The following TTLL11 variants were observed in gnomAD, a reference collection of about 807,000 sequenced individuals.
TTLL11 encodes the protein tubulin polyglutamylase TTLL11.
TTLL11 carries 42 observed loss-of-function variants against 51.7 expected under a neutral mutation model. That is an observed-to-expected ratio of 0.81 (90% CI 0.64 to 1.05). The LOEUF (loss-of-function observed/expected upper bound fraction) is 1.05, where lower values mean the gene tolerates loss of function less well. Ranked by LOEUF, TTLL11 falls within the 50% of genes least tolerant of loss-of-function variation. TTLL11 has a pLI of 0.00. For missense variants in TTLL11, 799 were observed against 940.4 expected (o/e 0.85, Z 1.97); for synonymous variants, 381 against 383.5 (o/e 0.99, Z 0.08).
chr9:122,015,826 A>C (rs1379391528), intron 3 of TTLL11, among the ~76,000 whole-genome samples: 1 of 151,980 alleles, frequency 6.6e-6, no homozygotes. Flanking sequence ...AAAAAAAAGA[A>C]AGAAAGTAAA....
chr9:122,073,448 G>A (rs938165431), intron 1 of TTLL11, among the ~76,000 whole-genome samples: 1 of 152,098 alleles, frequency 6.6e-6, no homozygotes, highest in African/African-American at 2.4e-5. Flanking sequence ...TTGTGGGAAA[G>A]AAAGAAAATC....
At chr9:121,925,605 C>T (rs546323984) in intron 6 of TTLL11, among the ~76,000 whole-genome samples, 2 of 152,206 alleles carry the variant, frequency 1.3e-5, no homozygotes, top group Non-Finnish European at 2.9e-5. Context: ...GCCCTCCAGA[C>T]CCTCCCAGGA....
rs187606185 is a variant in TTLL11 at position 121,902,414 on chromosome 9, G to A, written c.1482-31666C>T. Among the ~76,000 whole-genome samples, 459 of 152,302 alleles carry A rather than the reference G, an allele frequency of 3.0e-3. 3 individuals are homozygous for A. The highest frequency in any genetic ancestry group is 0.011 in the African/African-American group (441 of 41,562). On this transcript the variant is annotated intron_variant, in intron 6 of 8. Coordinates refer to ENST00000321582, the MANE Select transcript of TTLL11 (RefSeq NM_001139442.2). ...GAGTTCTTACTTTTTCCATTGTTCT[G>A]TGCGAGGCATTTCCCTCTAAGCATT...
chr9:121,943,470 T>C (rs916117461), intron 6 of TTLL11, among the ~76,000 whole-genome samples: 2 of 152,224 alleles, frequency 1.3e-5, no homozygotes, highest in African/African-American at 2.4e-5. Context: ...CACTTGTTAA[T>C]GCCCAAATTA....
chr9:121,836,022 T>A (rs1837170095), intron 8 of TTLL11, among the ~76,000 whole-genome samples: 1 of 152,222 alleles, frequency 6.6e-6, no homozygotes, highest in Non-Finnish European at 1.5e-5. Context: ...CAAGAGGGAT[T>A]ACTAAGAGTG....
intron 1 of TTLL11, among the ~76,000 whole-genome samples, chr9:122,089,433 C>T (rs1056886601): frequency 6.6e-6 from 1 of 152,158 alleles, no homozygotes; most frequent in Non-Finnish European, 1.5e-5. Flanking sequence ...TGTGTTTGCA[C>T]TTTGTTAGTA....
Position 122,055,608 on chromosome 9 carries a change from G to C in TTLL11, c.463-16240C>G, listed in dbSNP as rs1564377727. Among the ~76,000 whole-genome samples the C allele has an allele frequency of 2.0e-5, 3 of 152,146 alleles. No homozygotes were observed. In the South Asian group the frequency reaches 6.2e-4, roughly 32 times the overall value. On this transcript the variant is annotated intron_variant, in intron 1 of 8. Transcript: ENST00000321582. ...ACTTTGCATCCTTCAGTCCAATCAA[G>C]TTGACACTCAGTATTAACCATCACA... is the stretch of plus-strand genomic sequence containing the variant.
intron 1 of TTLL11, among the ~76,000 whole-genome samples, chr9:122,080,680 G>A (rs561550574): frequency 7.2e-5 from 11 of 151,884 alleles, no homozygotes; most frequent in African/African-American, 2.7e-4. Flanking sequence ...GCGACAGAGT[G>A]AAACCTTGTC....
At chr9:121,827,055 G>T (rs1285341691) in intron 8 of TTLL11, among the ~76,000 whole-genome samples, 2 of 152,200 alleles carry the variant, frequency 1.3e-5, no homozygotes, top group Non-Finnish European at 2.9e-5. Flanking sequence ...AGGCCCGCGT[G>T]ATCCGAGTCC....
At position 121,995,707 on chromosome 9, in the gene TTLL11, T is replaced by C. The variant is rs1350368569; in HGVS notation, c.694-5937A>G. Among the ~76,000 whole-genome samples, 2 of 152,156 alleles carry C rather than the reference T, an allele frequency of 1.3e-5. No individual in the cohort carries two copies. Among genetic ancestry groups the C allele is most frequent in the Non-Finnish European group, 2.9e-5 (2 of 68,038 alleles). ...ACAGAGCTAATTTAGGACTTTATAA[T>C]ATCCCGCAAGCCCTCTACTGTTCAT... On this transcript the variant is annotated intron_variant, in intron 3 of 8. Coordinates refer to ENST00000321582, the MANE Select transcript of TTLL11 (RefSeq NM_001139442.2). The surrounding 1 kb of genome is among the most constrained non-coding windows in gnomAD (Gnocchi z 4.4).
intron 6 of TTLL11, among the ~76,000 whole-genome samples, chr9:121,953,491 G>C (rs1280540169): frequency 6.6e-6 from 1 of 152,000 alleles, no homozygotes; most frequent in Admixed American, 6.6e-5. Context: ...AATTAGCCAG[G>C]CATGGTGGCG....
chr9:121,847,079 T>A (rs4448352), intron 8 of TTLL11, among the ~76,000 whole-genome samples: 1 of 151,210 alleles, frequency 6.6e-6, no homozygotes, highest in Non-Finnish European at 1.5e-5. Flanking sequence ...GCGTGGTGGC[T>A]GGCGCCTATA....
rs189779628 is a variant in TTLL11, at chr9:121,927,166, C to T, written c.1481+46843G>A. On this transcript the variant is annotated intron_variant, in intron 6 of 8. Coordinates refer to ENST00000321582, the MANE Select transcript of TTLL11 (RefSeq NM_001139442.2). ...ACATTTGGTTTATAGCATAGCGTTG[C>T]TTCATGTCTCTATGCTTCTCTCCTC... Among the ~76,000 whole-genome samples the T allele has an allele frequency of 4.6e-5, 7 of 152,208 alleles. No individual in the cohort carries two copies. In the East Asian group the frequency reaches 1.4e-3, roughly 29 times the overall value.
chr9:122,038,106 C>T (rs551162799), intron 2 of TTLL11, among the ~76,000 whole-genome samples: 2 of 152,104 alleles, frequency 1.3e-5, no homozygotes, highest in East Asian at 3.9e-4. Flanking sequence ...AGTAAACTTG[C>T]TTAAGGTTTG....
chr9:121,970,380 G>A (rs546556174), intron 6 of TTLL11, among the ~76,000 whole-genome samples: 1 of 152,274 alleles, frequency 6.6e-6, no homozygotes, highest in South Asian at 2.1e-4. Context: ...AAAACTAAAT[G>A]TGTTTCAATG....
rs929314167 is a variant in TTLL11, at chr9:122,079,077, CGTTTCTCTTGG to C, written c.462+13599_462+13609del. 3.1e-4 allele frequency among the ~76,000 whole-genome samples: 47 copies of C among 151,970 alleles called. 1 individual carries two copies. The highest frequency in any genetic ancestry group is 1.1e-3 in the African/African-American group (45 of 41,350). ...AAGTTGTTATGTGCACATATGTTTT[CGTTTCTCTTGG>C]GTTTCTCTTGGGTATATATCAGGAG... On this transcript the variant is annotated intron_variant, in intron 1 of 8. Coordinates refer to ENST00000321582, the MANE Select transcript of TTLL11 (RefSeq NM_001139442.2).
Position 122,093,069 on chromosome 9 carries a change from T to C in TTLL11, c.80A>G (p.Lys27Arg), listed in dbSNP as rs1393950171. Residue 27 changes from lysine (K) to arginine (R), a missense_variant, in exon 1 of 9, where the codon AAA becomes AGA. Around this residue, in one of 3 missense-constraint regions of TTLL11, gnomAD observed 166 missense variants for 161.6 expected, o/e 1.03. Coordinates refer to ENST00000321582, the MANE Select transcript of TTLL11 (RefSeq NM_001139442.2). ...CTCCGCTGTGGCCTCGGCCTCAGCT[T>C]TGGCCGCCGCTTTGGCCGCAGCCAC... The part of the protein sequence containing the change: ...EAVAAAKAAA[K>R]AEAEATAETV... 1 of 1,508,322 alleles carries C rather than the reference T, an allele frequency of 6.6e-7. No individual in the cohort carries two copies. Among genetic ancestry groups the C allele is most frequent in the African/African-American group, 1.4e-5 (1 of 69,196 alleles). 93.4% of individuals were successfully genotyped at this position (1,508,322 alleles called of 1,614,324 possible).
intron 3 of TTLL11, among the ~76,000 whole-genome samples, chr9:122,026,256 T>C (rs1844333231): frequency 6.6e-6 from 1 of 151,892 alleles, no homozygotes; most frequent in South Asian, 2.1e-4. Flanking sequence ...CTGGCCAACA[T>C]GGTGAAACCC....
At chr9:121,970,508 A>G (rs1842518935) in intron 6 of TTLL11, among the ~76,000 whole-genome samples, 1 of 152,270 alleles carries the variant, frequency 6.6e-6, no homozygotes, top group Non-Finnish European at 1.5e-5. Context: ...AAGGAATAAG[A>G]ATGCTGATGT....
Sources: allele counts gnomAD v4.1 joint callset (sites outside exome capture counted in the v4.1 genomes callset), GRCh38; gene constraint gnomAD v4.1.1; regional missense constraint gnomAD v4.1.1; non-coding constraint Gnocchi (gnomAD v3.1); transcripts MANE v1.5; gene names NCBI Gene and HGNC (gene_info 2026-07-23, HGNC 2026-07-21).